GPM6A: variants seen among roughly 807,000 people sequenced by gnomAD.
GPM6A encodes the protein neuronal membrane glycoprotein M6-a.
A neutral mutation model predicts 32.1 loss-of-function variants in GPM6A; 7 were observed. The ratio of observed to expected loss-of-function variants is 0.22; its 90% CI spans 0.12 to 0.41. The LOEUF is 0.41. GPM6A is among the 10% of genes least tolerant of loss of function. GPM6A has a pLI of 1.00. For synonymous variants in GPM6A, 130 were observed against 123.4 expected, an observed-to-expected ratio of 1.05 and a Z score of -0.35; for missense variants, 235 against 347.2, an observed-to-expected ratio of 0.68 and a Z score of 2.57.
intron 1 of GPM6A, among the ~76,000 whole-genome samples, chr4:175,903,477 C>T (rs940630657): frequency 6.6e-6 from 1 of 152,020 alleles, no homozygotes; most frequent in Non-Finnish European, 1.5e-5. Flanking sequence ...AGTATCTCCC[C>T]ACAAACTACT....
chr4:175,643,390 T>A (rs1741267754), intron 4 of GPM6A, among the ~76,000 whole-genome samples: 1 of 152,168 alleles, frequency 6.6e-6, no homozygotes. Flanking sequence ...CATCTCAGTC[T>A]TTTGTCCTAC....
intron 1 of GPM6A, among the ~76,000 whole-genome samples, chr4:175,798,020 G>T (rs959693144): frequency 2.0e-5 from 3 of 152,078 alleles, no homozygotes; most frequent in Admixed American, 2.0e-4. Flanking sequence ...CATACTCACC[G>T]AATCAGAAAC....
At position 175,803,769 on chromosome 4, in the gene GPM6A, T is replaced by C. The variant is rs182534036; in HGVS notation, c.37+8422A>G. On this transcript the variant is annotated intron_variant, in intron 1 of 6. Coordinates refer to ENST00000393658, the MANE Select transcript of GPM6A (RefSeq NM_201591.3). ...AAACCAAAAGTCAATTGGCCACTCA[T>C]TATGATGGTCAATTGAAAAACTCCT... 2.6e-5 allele frequency among the ~76,000 whole-genome samples: 4 copies of C among 152,234 alleles called. No homozygotes were observed. The East Asian group carries it at 7.7e-4, about 29-fold the overall frequency.
intron 2 of GPM6A, among the ~76,000 whole-genome samples, chr4:175,677,020 C>T (rs1743408882): frequency 6.6e-6 from 1 of 152,140 alleles, no homozygotes; most frequent in South Asian, 2.1e-4. Context: ...TAAATTTCAG[C>T]ATACCAGTAC....
chr4:175,744,627 GA>G (rs1732024646), intron 1 of GPM6A, among the ~76,000 whole-genome samples: 1 of 151,944 alleles, frequency 6.6e-6, no homozygotes, highest in Non-Finnish European at 1.5e-5. Context: ...AGTTTGGGAA[GA>G]AAAAATAATA....
chr4:175,975,812 T>G (rs1740639941), intron 1 of GPM6A, among the ~76,000 whole-genome samples: 1 of 152,204 alleles, frequency 6.6e-6, no homozygotes, highest in African/African-American at 2.4e-5. Flanking sequence ...AAAATTAGTT[T>G]ATTAGTTATC....
intron 1 of GPM6A, among the ~76,000 whole-genome samples, chr4:175,944,096 G>A (rs1739511210): frequency 6.6e-6 from 1 of 152,046 alleles, no homozygotes; most frequent in Non-Finnish European, 1.5e-5. Flanking sequence ...ACTTCTTCCT[G>A]GTTTAGTCTT....
At chr4:175,995,364 C>T (rs1459444420) in intron 1 of GPM6A, among the ~76,000 whole-genome samples, 1 of 141,842 alleles carries the variant, frequency 7.1e-6, no homozygotes, top group Admixed American at 7.2e-5. Flanking sequence ...GCTGCTTGAT[C>T]CTTTCAATTT....
chr4:175,666,237 AC>A (rs1270205805), intron 3 of GPM6A, among the ~76,000 whole-genome samples: 1 of 151,982 alleles, frequency 6.6e-6, no homozygotes, highest in East Asian at 1.9e-4. Context: ...TGTACTTTTG[AC>A]CCGTGTTCCC....
intron 1 of GPM6A, among the ~76,000 whole-genome samples, chr4:175,874,909 G>A (rs1249032796): frequency 2.0e-5 from 3 of 152,166 alleles, no homozygotes; most frequent in Non-Finnish European, 4.4e-5. Context: ...TTTCTACACT[G>A]TACCCTTTCT....
chr4:175,812,294 A>C (rs1734950920), upstream of GPM6A: 4 of 846,012 alleles, frequency 4.7e-6, no homozygotes, highest in Non-Finnish European at 5.9e-6. Flanking sequence ...TGTTGGAAAA[A>C]CTGGGGGTTT....
chr4:175,999,625 T>C (rs897573234), intron 1 of GPM6A, among the ~76,000 whole-genome samples: 1 of 152,196 alleles, frequency 6.6e-6, no homozygotes, highest in Non-Finnish European at 1.5e-5. Context: ...TCTTCCACAG[T>C]GCTAGAGTTC....
At chr4:175,824,323 C>A (rs1489077003) in intron 1 of GPM6A, among the ~76,000 whole-genome samples, 1 of 152,150 alleles carries the variant, frequency 6.6e-6, no homozygotes, top group East Asian at 1.9e-4. Context: ...CAGACACACA[C>A]CCCATCCACT....
intron 1 of GPM6A, among the ~76,000 whole-genome samples, chr4:175,896,551 A>G (rs1737799238): frequency 6.6e-6 from 1 of 152,132 alleles, no homozygotes; most frequent in African/African-American, 2.4e-5. Flanking sequence ...TTATGGACCC[A>G]ACACTATTTC....
At chr4:175,874,363 T>C (rs1404435749) in intron 1 of GPM6A, among the ~76,000 whole-genome samples, 2 of 152,158 alleles carry the variant, frequency 1.3e-5, no homozygotes, top group South Asian at 2.1e-4. Flanking sequence ...AAAAGGGAAC[T>C]ATTTTTCAAG....
At chr4:175,994,352 A>G (rs777608797) in intron 1 of GPM6A, among the ~76,000 whole-genome samples, 1 of 152,232 alleles carries the variant, frequency 6.6e-6, no homozygotes, top group Non-Finnish European at 1.5e-5. Flanking sequence ...AGGATTAGAA[A>G]ATAAAAATAG....
chr4:175,651,809 G>C (rs778434702), intron 4 of GPM6A, 25 bp downstream of exon 4: 1 of 1,595,548 alleles, frequency 6.3e-7, no homozygotes, highest in Admixed American at 1.7e-5. Context: ...GTGTTTTACA[G>C]TTTAGAGATC....
chr4:175,681,982 C>T (rs1287635742), intron 2 of GPM6A, among the ~76,000 whole-genome samples: 1 of 152,086 alleles, frequency 6.6e-6, no homozygotes, highest in African/African-American at 2.4e-5. Context: ...CAGAAGAAAA[C>T]AGGAATATGA....
intron 1 of GPM6A, among the ~76,000 whole-genome samples, chr4:175,769,790 T>C (rs971562789): frequency 6.6e-6 from 1 of 152,206 alleles, no homozygotes; most frequent in Non-Finnish European, 1.5e-5. Context: ...TTTCTTAGCT[T>C]TTGTTCCATT....
Sources: gnomAD v4.1 joint callset for allele counts (sites outside exome capture counted in the v4.1 genomes callset) on GRCh38, gnomAD v4.1.1 for gene constraint, MANE v1.5 for transcripts, NCBI Gene and HGNC (gene_info 2026-07-23, HGNC 2026-07-21) for gene names.